Variants in EP400 observed in about 807,000 individuals in gnomAD.
EP400 encodes E1A-binding protein p400.
In EP400, 105 loss-of-function variants were observed where a neutral mutation model predicts 354.1. The observed-to-expected ratio is 0.30, with a 90% CI of 0.25 to 0.35. The LOEUF (loss-of-function observed/expected upper bound fraction) is 0.35, where lower values mean the gene tolerates loss of function less well. EP400 is among the 10% of genes least tolerant of loss of function. The probability of loss-of-function intolerance (pLI) is 1.00; values close to 1 mark genes in which losing one functional copy is unlikely to be tolerated. For synonymous variants in EP400, 1,646 were observed against 1,716.9 expected (o/e 0.96, Z 1.02); for missense variants, 3,280 against 4,121.0 (o/e 0.80, Z 5.59).
chr12:132,039,592 C>T (rs73482106), intron 32 of EP400, among the ~76,000 whole-genome samples: 6 of 152,182 alleles, frequency 3.9e-5, no homozygotes, highest in African/African-American at 1.2e-4. Context: ...GCCACCACCC[C>T]GTTTCTCACA....
chr12:132,029,531 G>C lies in EP400; in HGVS notation c.5382-170G>C, dbSNP rs1345685263. The C allele has an allele frequency of 4.8e-5, 33 of 688,780 alleles. No homozygotes were observed. The highest frequency in any genetic ancestry group is 7.8e-5 in the Non-Finnish European group (32 of 411,410). 42.7% of individuals were successfully genotyped at this position (688,780 alleles called of 1,614,324 possible). On this transcript the variant is annotated intron_variant, in intron 27 of 52. Transcript: ENST00000389561. The surrounding 1 kb of genome is among the most constrained non-coding windows in gnomAD (Gnocchi z 4.7). ...GCCAGGACTGGTTAGGATCTGCCTCGTTGGGCCCCTGCCCGTGTGCCAACA... is the reference window on the plus strand; with the variant it reads ...GCCAGGACTGGTTAGGATCTGCCTCCTTGGGCCCCTGCCCGTGTGCCAACA...
Position 132,009,861 on chromosome 12 carries a change from G to C in EP400, c.3305-1637G>C, listed in dbSNP as rs185301333. 8.9e-3 allele frequency among the ~76,000 whole-genome samples: 1,103 copies of C among 123,888 alleles called. 9 individuals are homozygous for C. The highest frequency in any genetic ancestry group is 0.013 in the Non-Finnish European group (788 of 60,640). 81.3% of individuals were successfully genotyped at this position (123,888 alleles called of 152,430 possible). ...TTTTTTTTTTTTTTTTTTTTGGAGA[G>C]ATGAGGTCTTACTATGTTACCCTGG... On this transcript the variant is annotated intron_variant, in intron 15 of 52. Coordinates refer to ENST00000389561, the MANE Select transcript of EP400 (RefSeq NM_015409.5).
Position 132,013,193 on chromosome 12 carries a change from C to G in EP400, c.3611+15C>G, listed in dbSNP as rs774337473. 5.0e-6 allele frequency: 8 copies of G among 1,596,744 alleles called. No individual in the cohort carries two copies. The highest frequency in any genetic ancestry group is 1.3e-5 in the African/African-American group (1 of 74,458). ...ACCCTGCAGAGGTCTGTGTGTTACG[C>G]GCTTGTCATTGAGTGTTCTTTGCTG... On this transcript the variant is annotated intron_variant, in intron 17 of 52. Coordinates refer to ENST00000389561, the MANE Select transcript of EP400 (RefSeq NM_015409.5). This position sits in a 1 kb window ranked among gnomAD's most constrained non-coding sequence, Gnocchi z 4.5.
intron 39 of EP400, among the ~76,000 whole-genome samples, chr12:132,049,753 CT>C (rs1292304439): frequency 1.3e-5 from 2 of 152,208 alleles, no homozygotes; most frequent in Non-Finnish European, 1.5e-5. Flanking sequence ...CTTTAAAATT[CT>C]GCAGGATTCT....
intron 7 of EP400, 22 bp from the exon 8 acceptor site, chr12:131,989,941 AT>A: frequency 6.2e-7 from 1 of 1,612,428 alleles, no homozygotes; most frequent in Non-Finnish European, 8.5e-7. Context: ...ACAACATACA[AT>A]TCTTGCACTT....
intron 38 of EP400, 82 bp downstream of exon 38, chr12:132,045,642 C>G: frequency 6.2e-7 from 1 of 1,602,880 alleles, no homozygotes; most frequent in Non-Finnish European, 8.5e-7. Context: ...TCACTGTGAT[C>G]ACTTTGCAGG....
intron 3 of EP400, among the ~76,000 whole-genome samples, chr12:131,980,831 C>G (rs1238919140): frequency 6.6e-6 from 1 of 152,106 alleles, no homozygotes; most frequent in East Asian, 1.9e-4. Flanking sequence ...GGATTATAAG[C>G]GTGAGCCACC....
At position 132,027,419 on chromosome 12, in the gene EP400, T is replaced by G; in HGVS notation, c.5015-18T>G. ...GAACTTGGCGTTCCTTTTCACCTCT[T>G]CCTTTATGCATTTGTAGTTGGCGTT... On this transcript the variant is annotated intron_variant, in intron 25 of 52. Transcript: ENST00000389561. The surrounding 1 kb of genome is among the most constrained non-coding windows in gnomAD (Gnocchi z 4.9). 1.2e-6 allele frequency: 2 copies of G among 1,613,824 alleles called. No homozygotes were observed. Among genetic ancestry groups the G allele is most frequent in the Non-Finnish European group, 1.7e-6 (2 of 1,179,880 alleles).
intron 5 of EP400, among the ~76,000 whole-genome samples, chr12:131,984,847 C>T (rs1466181094): frequency 5.9e-5 from 9 of 151,692 alleles, no homozygotes; most frequent in Admixed American, 3.3e-4. Flanking sequence ...TACAGGCATG[C>T]GCCACCACGC....
Position 132,073,459 on chromosome 12 carries a change from C to CTTT in EP400, c.9022-3045_9022-3043dup, listed in dbSNP as rs58724167. Among the ~76,000 whole-genome samples, 11 of 117,704 alleles carry CTTT rather than the reference C, an allele frequency of 9.3e-5. 2 individuals are homozygous for CTTT. Among genetic ancestry groups the CTTT allele is most frequent in the African/African-American group, 2.6e-4 (6 of 22,644 alleles). 77.2% of individuals were successfully genotyped at this position (117,704 alleles called of 152,430 possible). A position where few individuals can be genotyped will look rare whatever the true frequency, so the allele number is the denominator to read the frequency against. On this transcript the variant is annotated intron_variant, in intron 51 of 52. Coordinates refer to ENST00000389561, the MANE Select transcript of EP400 (RefSeq NM_015409.5). ...GTGCGTTTTAATTCTGTCCCTTTTC[C>CTTT]TTTTTTTTTTTTTTGACACAGTCTT...
chr12:132,042,763 C>T (rs1894956793), intron 32 of EP400, among the ~76,000 whole-genome samples: 1 of 152,208 alleles, frequency 6.6e-6, no homozygotes. Context: ...AGTGGCATCT[C>T]GTCATTCTAA....
chr12:132,050,253 G>A lies in EP400; in HGVS notation c.7201-70G>A, dbSNP rs936876723. Reference sequence around the variant, plus strand: ...TTAGCCTCAGATTCCCACCCAGTGAGCCCTGTGTCCCACGCAGCCGTCTGT... The same window carrying A: ...TTAGCCTCAGATTCCCACCCAGTGAACCCTGTGTCCCACGCAGCCGTCTGT... On this transcript the variant is annotated intron_variant, in intron 39 of 52. Coordinates refer to ENST00000389561, the MANE Select transcript of EP400 (RefSeq NM_015409.5). This position sits in a 1 kb window ranked among gnomAD's most constrained non-coding sequence, Gnocchi z 4.8. The A allele has an allele frequency of 4.4e-6, 7 of 1,576,320 alleles. No individual in the cohort carries two copies. In the East Asian group the frequency reaches 6.7e-5, roughly 15 times the overall value.
At chr12:132,064,126 C>G (rs1383831622) in intron 47 of EP400, among the ~76,000 whole-genome samples, 1 of 151,908 alleles carries the variant, frequency 6.6e-6, no homozygotes. Context: ...TGTCACCTGC[C>G]CCGGTTCAAC....
intron 16 of EP400, among the ~76,000 whole-genome samples, chr12:132,012,095 A>G (rs938337491): frequency 2.6e-5 from 4 of 152,206 alleles, no homozygotes; most frequent in African/African-American, 7.2e-5. Flanking sequence ...TCTGCCCTAT[A>G]GTTTCTAGTA....
chr12:131,970,208 A>G (rs1892240659), intron 2 of EP400, among the ~76,000 whole-genome samples: 1 of 152,260 alleles, frequency 6.6e-6, no homozygotes, highest in Non-Finnish European at 1.5e-5. Flanking sequence ...ACAGTAGGAC[A>G]ATAGGCCAGG....
At chr12:132,064,531 G>A (rs1393782449) in intron 47 of EP400, 137 bp from the exon 48 acceptor site, 12 of 1,164,770 alleles carry the variant, frequency 1.0e-5, no homozygotes, top group East Asian at 1.0e-4. Context: ...CATGGAAGGC[G>A]GTCTGGATGC....
chr12:131,960,992 T>C lies in EP400; in HGVS notation c.373T>C (p.Ser125Pro). Residue 125 changes from serine to proline, a missense_variant, in exon 2 of 53, where the codon TCC (serine) becomes CCC (proline). Coordinates refer to ENST00000389561, the MANE Select transcript of EP400 (RefSeq NM_015409.5). Reference protein sequence around the residue: ...HGSPSYIQVTSPLSQQVQTQS... With the variant: ...HGSPSYIQVTPPLSQQVQTQS... ...GTCTCCATCATACATTCAGGTCACG[T>C]CCCCCTTGTCCCAGCAGGTCCAGAC... 2 of 1,604,782 alleles carry C rather than the reference T, an allele frequency of 1.2e-6. No individual in the cohort carries two copies. Among genetic ancestry groups the C allele is most frequent in the East Asian group, 4.5e-5 (2 of 44,352 alleles).
rs769395425 is a variant in EP400, at chr12:131,960,736, A to AGCTCCCTTC, written c.125_133dup (p.Phe42_Pro44dup). 8.0e-6 allele frequency: 3 copies of AGCTCCCTTC among 376,216 alleles called. No individual in the cohort carries two copies. The South Asian group carries it at 1.3e-4, about 16-fold the overall frequency. The allele number at this position is 376,216 out of a possible 1,614,324, so 23.3% of individuals were successfully genotyped here. A position where few individuals can be genotyped will look rare whatever the true frequency, so the allele number is the denominator to read the frequency against. ...ACCCCAACCCACCCCCGTCCCCCGC[A>AGCTCCCTTC]GCTCCCTTCGCTCCCTCAGCAAGCC... On this transcript the variant is annotated inframe_insertion, in exon 2 of 53. Coordinates refer to ENST00000389561, the MANE Select transcript of EP400 (RefSeq NM_015409.5).
intron 50 of EP400, 146 bp from the exon 51 acceptor site, chr12:132,069,349 A>C (rs1433266094): frequency 3.6e-6 from 4 of 1,122,866 alleles, no homozygotes; most frequent in Non-Finnish European, 5.0e-6. Flanking sequence ...GACAGGGGGC[A>C]GGAGATGTGG....
Sources: gnomAD v4.1 joint callset for allele counts (sites outside exome capture counted in the v4.1 genomes callset) on GRCh38, gnomAD v4.1.1 for gene constraint, Gnocchi (gnomAD v3.1) non-coding constraint, MANE v1.5 for transcripts, NCBI Gene and HGNC (gene_info 2026-07-23, HGNC 2026-07-21) for gene names.